The following DMD variants were observed in gnomAD, a reference collection of about 807,000 sequenced individuals.
DMD encodes dystrophin, also known as mutant dystrophin.
A neutral mutation model predicts 330.1 loss-of-function variants in DMD; 63 were observed. The observed-to-expected ratio is 0.19, with a 90% CI of 0.16 to 0.24. The LOEUF (loss-of-function observed/expected upper bound fraction) is 0.24. Among genes scored for constraint, DMD ranks in the 10% least tolerant of loss-of-function variants. The pLI, the probability that DMD is intolerant of heterozygous loss-of-function variation, is 1.00. For synonymous variants in DMD, 1,223 were observed against 959.8 expected (o/e 1.27, Z -5.07); for missense variants, 3,344 against 2,684.1 (o/e 1.25, Z -5.43).
chrX:32,530,044 TA>T (rs2047334128), intron 17 of DMD, among the ~76,000 whole-genome samples: 1 of 112,153 alleles, frequency 8.9e-6, no homozygotes, highest in Non-Finnish European at 1.9e-5. Flanking sequence ...TAAAAGATAC[TA>T]AAAAATCAAT....
intron 37 of DMD, among the ~76,000 whole-genome samples, chrX:32,350,696 C>T (rs1157234355): frequency 9.0e-6 from 1 of 110,932 alleles, no homozygotes. Flanking sequence ...TTTCAAAAAC[C>T]TTTCTTTCAT....
chrX:31,424,852 G>A (rs2063612628), intron 60 of DMD, among the ~76,000 whole-genome samples: 1 of 112,183 alleles, frequency 8.9e-6, no homozygotes, highest in African/African-American at 3.2e-5. Context: ...GTTTAACGAA[G>A]TATTTGGATG....
rs1569345950 is a variant in DMD, at chrX:31,147,580, AG to A, written c.10554-63del. The A allele has an allele frequency of 3.2e-6, 3 of 926,432 alleles. No homozygotes were observed. In the African/African-American group the frequency reaches 6.0e-5, roughly 19 times the overall value. The allele number at this position is 926,432 out of a possible 1,213,427, so 76.3% of individuals were successfully genotyped here. A position where few individuals can be genotyped will look rare whatever the true frequency, so the allele number is the denominator to read the frequency against. ...AAAGAAAAAGAAAAAGAAGAAAAAA[AG>A]TAATTTGAATATCATCACCAAATTT... On this transcript the variant is annotated intron_variant, in intron 74 of 78. Coordinates refer to ENST00000357033, the MANE Select transcript of DMD (RefSeq NM_004006.3).
intron 12 of DMD, among the ~76,000 whole-genome samples, chrX:32,604,397 T>C (rs2056497820): frequency 9.1e-6 from 1 of 109,606 alleles, no homozygotes; most frequent in African/African-American, 3.3e-5. Flanking sequence ...AAAGAACATA[T>C]CTCAAAATAA....
At chrX:33,019,847 T>C (rs953063493) in intron 2 of DMD, among the ~76,000 whole-genome samples, 1 of 111,383 alleles carries the variant, frequency 9.0e-6, no homozygotes, top group Non-Finnish European at 1.9e-5. Flanking sequence ...TTCTAGCTAC[T>C]TGATGGAAGA....
intron 9 of DMD, among the ~76,000 whole-genome samples, chrX:32,684,771 G>T (rs2062727651): frequency 9.1e-6 from 1 of 110,289 alleles, no homozygotes; most frequent in African/African-American, 3.3e-5. Flanking sequence ...TCATTTTCTG[G>T]CTCATGTTCT....
intron 12 of DMD, among the ~76,000 whole-genome samples, chrX:32,596,323 C>A (rs1165646442): frequency 1.8e-5 from 2 of 109,165 alleles, no homozygotes; most frequent in Non-Finnish European, 3.8e-5. Flanking sequence ...ACAAATGTAT[C>A]CTATAGTTAC....
chrX:32,479,042 T>G (rs2041540074), intron 21 of DMD, among the ~76,000 whole-genome samples: 1 of 111,561 alleles, frequency 9.0e-6, no homozygotes, highest in African/African-American at 3.3e-5. Flanking sequence ...TACAGAAATA[T>G]TTATTAGAAT....
At position 33,009,658 on chromosome X, in the gene DMD, GTGTATA is replaced by G. The variant is rs1238071290; in HGVS notation, c.93+10475_93+10480del. Among the ~76,000 whole-genome samples the G allele has an allele frequency of 1.1e-4, 4 of 35,186 alleles. 2 individuals carry two copies. The highest frequency in any genetic ancestry group is 3.3e-3 in the East Asian group (2 of 606). 30.6% of individuals were successfully genotyped at this position (35,186 alleles called of 115,157 possible). A position where few individuals can be genotyped will look rare whatever the true frequency, so the allele number is the denominator to read the frequency against. ...TGTATATACACATATGTGTGTATACGTGTATATGTGTATACGTATATGTGTATATGC... is the reference window on the plus strand; with the variant it reads ...TGTATATACACATATGTGTGTATACGTGTGTATACGTATATGTGTATATGC... On this transcript the variant is annotated intron_variant, in intron 2 of 78. Transcript: ENST00000357033.
chrX:32,261,780 T>C (rs1032541949), intron 43 of DMD, among the ~76,000 whole-genome samples: 2 of 111,254 alleles, frequency 1.8e-5, no homozygotes, highest in East Asian at 5.6e-4. Flanking sequence ...CTTCTGTGGG[T>C]TGGGTAATAA....
chrX:32,341,350 G>T (rs2097741324), intron 41 of DMD, among the ~76,000 whole-genome samples: 1 of 111,770 alleles, frequency 8.9e-6, no homozygotes, highest in Non-Finnish European at 1.9e-5. Flanking sequence ...GTACCTGTCA[G>T]AAAACCTCTA....
chrX:31,150,113 TAGCTA>T (rs2037221532), intron 74 of DMD, among the ~76,000 whole-genome samples: 1 of 112,092 alleles, frequency 8.9e-6, no homozygotes, highest in African/African-American at 3.2e-5. Flanking sequence ...TGATTATTTG[TAGCTA>T]TCAATTTTTG....
chrX:32,907,949 A>AGGT (rs2086863862), intron 2 of DMD, among the ~76,000 whole-genome samples: 1 of 111,103 alleles, frequency 9.0e-6, no homozygotes, highest in African/African-American at 3.3e-5. Flanking sequence ...AGGTGCCCAC[A>AGGT]GCTCACAAAT....
intron 17 of DMD, among the ~76,000 whole-genome samples, chrX:32,530,519 G>T (rs1267379917): frequency 8.9e-6 from 1 of 112,323 alleles, no homozygotes; most frequent in East Asian, 2.8e-4. Flanking sequence ...AGTGTGACAT[G>T]ATTGAACAGA....
intron 44 of DMD, among the ~76,000 whole-genome samples, chrX:32,046,359 G>A (rs1019836307): frequency 8.9e-6 from 1 of 112,259 alleles, no homozygotes; most frequent in Non-Finnish European, 1.9e-5. Flanking sequence ...ACACAGAAAT[G>A]CAAACATTGA....
intron 45 of DMD, among the ~76,000 whole-genome samples, chrX:31,962,722 T>C (rs2095317618): frequency 8.9e-6 from 1 of 111,896 alleles, no homozygotes; most frequent in South Asian, 3.7e-4. Flanking sequence ...TATGCAAAAA[T>C]ACTGCATGCA....
Position 31,121,585 on chromosome X carries a change from G to A in DMD, c.*334C>T. On this transcript the variant is annotated 3_prime_UTR_variant, in exon 79 of 79. Transcript: ENST00000357033. The stretch of plus-strand genomic sequence containing the variant: ...AAAATGCGTTCCATATAAAGAAATG[G>A]CAAGTTATTTAGCTATCAAGATTTT... 3.4e-6 allele frequency: 1 copy of A among 292,743 alleles called. No individual in the cohort carries two copies. The highest frequency in any genetic ancestry group is 6.0e-6 in the Non-Finnish European group (1 of 167,829). 24.1% of individuals were successfully genotyped at this position (292,743 alleles called of 1,213,427 possible).
intron 7 of DMD, among the ~76,000 whole-genome samples, chrX:32,752,143 A>C (rs751853568): frequency 8.9e-6 from 1 of 111,853 alleles, no homozygotes; most frequent in Admixed American, 9.4e-5. Context: ...CCATGAAAAG[A>C]GGGCCACTGT....
intron 9 of DMD, among the ~76,000 whole-genome samples, chrX:32,674,448 G>C (rs1045561749): frequency 9.0e-6 from 1 of 111,687 alleles, no homozygotes; most frequent in African/African-American, 3.2e-5. Flanking sequence ...TATTCAAAGA[G>C]GAGGACTGTA....
Sources: allele counts gnomAD v4.1 joint callset (sites outside exome capture counted in the v4.1 genomes callset), GRCh38; gene constraint gnomAD v4.1.1; transcripts MANE v1.5; gene names NCBI Gene and HGNC (gene_info 2026-07-23, HGNC 2026-07-21).